The following EFHB variants were observed in gnomAD, a reference collection of about 807,000 sequenced individuals.
EFHB encodes the protein EF-hand domain-containing family member B.
EFHB carries 91 observed loss-of-function variants against 87.2 expected under a neutral mutation model. The observed-to-expected ratio is 1.04, with a 90% CI of 0.88 to 1.24. The LOEUF (loss-of-function observed/expected upper bound fraction) is 1.24. Among genes scored for constraint, EFHB ranks in the 50% most tolerant of loss-of-function variants. The pLI is 0.00. For synonymous variants in EFHB, 325 were observed against 333.6 expected, an observed-to-expected ratio of 0.97 and a Z score of 0.28; for missense variants, 1,084 against 998.8, an observed-to-expected ratio of 1.09 and a Z score of -1.15.
intron 5 of EFHB, among the ~76,000 whole-genome samples, chr3:19,909,625 C>A (rs1051134462): frequency 1.3e-5 from 2 of 152,140 alleles, no homozygotes; most frequent in African/African-American, 4.8e-5. Context: ...CTGGCATCAC[C>A]CCTCCCTTAA....
intron 6 of EFHB, among the ~76,000 whole-genome samples, chr3:19,901,401 A>C (rs1355584939): frequency 6.6e-6 from 1 of 152,226 alleles, no homozygotes; most frequent in East Asian, 1.9e-4. Flanking sequence ...GCTAAGACTA[A>C]AGACAATGAA....
chr3:19,881,154 C>T (rs975326900), intron 12 of EFHB, among the ~76,000 whole-genome samples: 4 of 152,134 alleles, frequency 2.6e-5, no homozygotes, highest in Non-Finnish European at 5.9e-5. Flanking sequence ...AAACACAATA[C>T]CCCTATGCAT....
chr3:19,890,241 G>A (rs1265967210), intron 9 of EFHB, among the ~76,000 whole-genome samples: 1 of 152,150 alleles, frequency 6.6e-6, no homozygotes, highest in African/African-American at 2.4e-5. Flanking sequence ...CTAGTGCAAA[G>A]CCATTCTCTC....
intron 5 of EFHB, among the ~76,000 whole-genome samples, chr3:19,907,469 T>TG (rs1409029127): frequency 6.6e-6 from 1 of 152,190 alleles, no homozygotes; most frequent in African/African-American, 2.4e-5. Flanking sequence ...AAGGGAGGTA[T>TG]GGCAATGATT....
chr3:19,939,080 T>C (rs1453507365), upstream of EFHB, among the ~76,000 whole-genome samples: 1 of 151,836 alleles, frequency 6.6e-6, no homozygotes, highest in Non-Finnish European at 1.5e-5. Flanking sequence ...CTAATTTTTG[T>C]ACTTTCAGTA....
At chr3:19,880,751 G>A (rs1371558901) in intron 12 of EFHB, among the ~76,000 whole-genome samples, 3 of 151,994 alleles carry the variant, frequency 2.0e-5, no homozygotes, top group Non-Finnish European at 4.4e-5. Flanking sequence ...ATGAAGGCGG[G>A]GAAAAACATG....
chr3:19,933,571 C>T lies in EFHB; in HGVS notation c.448G>A (p.Gly150Ser), dbSNP rs752024345. 6.8e-6 allele frequency: 11 copies of T among 1,613,990 alleles called. No homozygotes were observed. The highest frequency in any genetic ancestry group is 8.5e-6 in the Non-Finnish European group (10 of 1,179,884). Residue 150 changes from glycine to serine, a missense_variant, in exon 1 of 13, where the codon GGC becomes AGC. Physicochemically the swap from Gly to Ser is moderately conservative, Grantham distance 56. Transcript: ENST00000295824. ...ACTAATTCCTCTACCCCTTCAGGGCCACTAGCCAAAGGAGCTCTCCTGCTC... is the reference window on the plus strand; with the variant it reads ...ACTAATTCCTCTACCCCTTCAGGGCTACTAGCCAAAGGAGCTCTCCTGCTC... ...AGSRRAPLAS[G>S]PEGVEELVGK...
chr3:19,919,403 C>T (rs1420118600), intron 3 of EFHB, among the ~76,000 whole-genome samples: 4 of 148,828 alleles, frequency 2.7e-5, no homozygotes, highest in African/African-American at 7.4e-5. Flanking sequence ...GACAGGATTT[C>T]GCCATGTTGG....
At chr3:19,937,596 T>C (rs1312773471), upstream of EFHB, among the ~76,000 whole-genome samples, 1 of 152,112 alleles carries the variant, frequency 6.6e-6, no homozygotes, top group African/African-American at 2.4e-5. Context: ...TATCTGTAAC[T>C]GAAACATCTT....
chr3:19,946,906 T>A (rs1575063197), intron 1 of EFHB: 1 of 152,404 alleles, frequency 6.6e-6, no homozygotes, highest in African/African-American at 2.4e-5. Flanking sequence ...GGAGAGGGCG[T>A]GGCCGCGCGT....
intron 6 of EFHB, among the ~76,000 whole-genome samples, chr3:19,901,445 A>G (rs1178976080): frequency 6.6e-6 from 1 of 152,250 alleles, no homozygotes; most frequent in Non-Finnish European, 1.5e-5. Flanking sequence ...TGCTTTTCAA[A>G]GTATCTCCTG....
At chr3:19,889,087 G>A (rs1694211772) in intron 9 of EFHB, among the ~76,000 whole-genome samples, 1 of 152,218 alleles carries the variant, frequency 6.6e-6, no homozygotes, top group Admixed American at 6.5e-5. Context: ...CTGATGGTCA[G>A]CCCCATTGAA....
chr3:19,903,452 A>C (rs1694739305), intron 6 of EFHB, among the ~76,000 whole-genome samples: 1 of 152,104 alleles, frequency 6.6e-6, no homozygotes, highest in African/African-American at 2.4e-5. Flanking sequence ...TGGATAAACC[A>C]TATTTGTCTC....
chr3:19,915,102 A>T (rs1020673707), intron 5 of EFHB, among the ~76,000 whole-genome samples: 4 of 152,090 alleles, frequency 2.6e-5, no homozygotes, highest in East Asian at 1.9e-4. Flanking sequence ...AAAAAAATTT[A>T]AATAAAATTT....
rs938538232 is a variant in EFHB, at chr3:19,905,752, G to A, written c.1289-3C>T. On this transcript the variant is annotated splice_polypyrimidine_tract_variant and splice_region_variant and intron_variant, in intron 5 of 12. Transcript: ENST00000295824. Reference sequence around the variant, plus strand: ...ATACTTTCGGTTCTTTGCCTCTCCTGTGGAAAAAGAAAGGAAGACTTATGA... The same window carrying A: ...ATACTTTCGGTTCTTTGCCTCTCCTATGGAAAAAGAAAGGAAGACTTATGA... The A allele has an allele frequency of 7.5e-6, 12 of 1,600,644 alleles. No individual in the cohort carries two copies. Among genetic ancestry groups the A allele is most frequent in the Middle Eastern group, 1.7e-4 (1 of 6,022 alleles).
rs929204078 is a variant in EFHB, at chr3:19,921,396, T to TA, written c.790-830dup. On this transcript the variant is annotated intron_variant, in intron 1 of 12. Transcript: ENST00000295824. ...CAGGCAGAAAACTGAATTGCTTTGT[T>TA]AAAAAAAAAATGGGAGAAAATATGA... 9.5e-4 allele frequency among the ~76,000 whole-genome samples: 142 copies of TA among 148,838 alleles called. 1 individual carries two copies. The highest frequency in any genetic ancestry group is 2.6e-3 in the African/African-American group (107 of 40,764).
chr3:19,884,387 CAAA>C lies in EFHB; in HGVS notation c.2146+13_2146+15del. 1 of 1,608,286 alleles carries C rather than the reference CAAA, an allele frequency of 6.2e-7. No individual in the cohort carries two copies. Among genetic ancestry groups the C allele is most frequent in the Non-Finnish European group, 8.5e-7 (1 of 1,176,696 alleles). On this transcript the variant is annotated intron_variant, in intron 11 of 12. Transcript: ENST00000295824. The stretch of plus-strand genomic sequence containing the variant: ...GTTTGTTGATGCTTTTAAAACTTGA[CAAA>C]TAAGTGACATACAAGTAGAAGGAAT...
intron 7 of EFHB, 28 bp from the exon 8 acceptor site, chr3:19,898,873 A>G (rs375500026): frequency 5.6e-6 from 9 of 1,605,902 alleles, no homozygotes; most frequent in African/African-American, 2.7e-5. Context: ...TCCTTAGTTA[A>G]AATACCCACC....
Position 19,918,260 on chromosome 3 carries a change from A to G in EFHB, c.1149T>C (p.Asn383=), listed in dbSNP as rs1171973798. Residue 383 remains asparagine (N), a synonymous_variant, in exon 4 of 13, where the codon AAT becomes AAC. Transcript: ENST00000295824. The part of the protein sequence containing the change: ...PGLPKGMDTT[N]TTFGTAVIKE... ...TGATGACTGCTGTCCCAAATGTCGT[A>G]TTGGTTGTGTCCATGCCTTTTGGTA... 1.9e-6 allele frequency: 3 copies of G among 1,607,276 alleles called. No homozygotes were observed. In the South Asian group the frequency reaches 3.4e-5, roughly 18 times the overall value.
Sources: gnomAD v4.1 joint callset for allele counts (sites outside exome capture counted in the v4.1 genomes callset) on GRCh38, gnomAD v4.1.1 for gene constraint, MANE v1.5 for transcripts, NCBI Gene and HGNC (gene_info 2026-07-23, HGNC 2026-07-21) for gene names.